Variants in HDAC3 observed in about 807,000 individuals in gnomAD.
HDAC3 encodes the protein SMAP45.
A neutral mutation model predicts 62.3 loss-of-function variants in HDAC3; 21 were observed. That is an observed-to-expected ratio of 0.34 (90% CI 0.24 to 0.49). HDAC3 has a LOEUF of 0.49. HDAC3 is among the 20% of genes least tolerant of loss of function. The pLI, the probability that HDAC3 is intolerant of heterozygous loss-of-function variation, is 0.99. For synonymous variants in HDAC3, 198 were observed against 206.5 expected, an observed-to-expected ratio of 0.96 and a Z score of 0.35; for missense variants, 270 against 556.9, an observed-to-expected ratio of 0.48 and a Z score of 5.19.
chr5:141,629,621 G>T lies in HDAC3; in HGVS notation c.476+63C>A. On this transcript the variant is annotated intron_variant, in intron 6 of 14. Coordinates refer to ENST00000305264, the MANE Select transcript of HDAC3 (RefSeq NM_003883.4). This position sits in a 1 kb window ranked among gnomAD's most constrained non-coding sequence, Gnocchi z 5.3. ...GGAGGGAGGTCAAGGTCAGGGTTGA[G>T]ACTGAGAGACCTCCTCAGCCAAGAA... The T allele has an allele frequency of 1.3e-6, 2 of 1,525,630 alleles. No individual in the cohort carries two copies. The highest frequency in any genetic ancestry group is 9.0e-7 in the Non-Finnish European group (1 of 1,105,454). The allele number at this position is 1,525,630 out of a possible 1,614,324, so 94.5% of individuals were successfully genotyped here. A position where few individuals can be genotyped will look rare whatever the true frequency, so the allele number is the denominator to read the frequency against.
At chr5:141,624,216 T>C (rs1028916367) in intron 14 of HDAC3, among the ~76,000 whole-genome samples, 41 of 151,032 alleles carry the variant, frequency 2.7e-4, no homozygotes, top group East Asian at 5.8e-4. Context: ...CTACAGACTT[T>C]CTGGACGGCA....
chr5:141,623,855 C>CCCT (rs918831683), intron 14 of HDAC3, among the ~76,000 whole-genome samples: 7 of 152,142 alleles, frequency 4.6e-5, no homozygotes, highest in African/African-American at 1.7e-4. Context: ...CTGTGGTTAT[C>CCCT]CCTCAGTCAT....
At chr5:141,622,535 C>T (rs1335739437) in intron 14 of HDAC3, among the ~76,000 whole-genome samples, 2 of 150,724 alleles carry the variant, frequency 1.3e-5, no homozygotes, top group African/African-American at 4.9e-5. Context: ...ACCTGGGAGG[C>T]GGAGGTTGCA....
intron 3 of HDAC3, among the ~76,000 whole-genome samples, chr5:141,632,943 G>T (rs1021710965): frequency 1.3e-5 from 2 of 152,144 alleles, no homozygotes; most frequent in Admixed American, 1.3e-4. Flanking sequence ...CAGATTAGTG[G>T]TTTAAAAACC....
intron 14 of HDAC3, among the ~76,000 whole-genome samples, chr5:141,624,266 TG>T (rs2154597744): frequency 6.8e-6 from 1 of 146,876 alleles, no homozygotes; most frequent in East Asian, 2.0e-4. Flanking sequence ...CCAGGCTCAG[TG>T]GCTCACGCCT....
Position 141,634,902 on chromosome 5 carries a change from C to A in HDAC3, c.190G>T (p.Glu64Ter), listed in dbSNP as rs1199309332. Residue 64 changes from glutamate (E) to a stop codon, truncating the protein, a stop_gained, in exon 3 of 15, where the codon GAG becomes TAG. Coordinates refer to ENST00000305264, the MANE Select transcript of HDAC3 (RefSeq NM_003883.4). LOFTEE classifies it high-confidence loss of function. The stretch of plus-strand genomic sequence containing the variant: ...CTCTGCAGGAAGTCAATGTAGTCCT[C>A]GGAGTGGAAGCGGCACATGTCATGT... ...SQHDMCRFHS[E>*]DYIDFLQRVS... is the part of the protein sequence containing the mutation. 1 of 1,614,110 alleles carries A rather than the reference C, an allele frequency of 6.2e-7. No homozygotes were observed. The highest frequency in any genetic ancestry group is 1.7e-5 in the Admixed American group (1 of 60,008).
Position 141,621,123 on chromosome 5 carries a change from C to T in HDAC3, c.*345G>A, listed in dbSNP as rs1314837502. On this transcript the variant is annotated 3_prime_UTR_variant, in exon 15 of 15. Transcript: ENST00000305264. Reference sequence around the variant, plus strand: ...GAGGAAGTCAGAGGCAATCTCAGTCCTTGTCTACCCGTTCATCCCTCAAAA... The same window carrying T: ...GAGGAAGTCAGAGGCAATCTCAGTCTTTGTCTACCCGTTCATCCCTCAAAA... 3 of 278,430 alleles carry T rather than the reference C, an allele frequency of 1.1e-5. No homozygotes were observed. The highest frequency in any genetic ancestry group is 5.5e-5 in the Admixed American group (1 of 18,118). The allele number at this position is 278,430 out of a possible 1,614,324, so 17.2% of individuals were successfully genotyped here. A position where few individuals can be genotyped will look rare whatever the true frequency, so the allele number is the denominator to read the frequency against.
intron 4 of HDAC3, 27 bp downstream of exon 4, chr5:141,630,013 AAAGG>A (rs1410348014): frequency 6.2e-7 from 1 of 1,613,404 alleles, no homozygotes; most frequent in South Asian, 1.1e-5. Flanking sequence ...GATCCAGAGG[AAAGG>A]AAGAACAGGA....
In HDAC3 at chr5:141,628,501, T is replaced by C. The variant is rs1394026642; in HGVS notation, c.691+58A>G. ...AGCAGACAATACCAGGCAGAAGAGG[T>C]TATTTCAAGGAGAAAAAGAAGGGGC... On this transcript the variant is annotated intron_variant, in intron 8 of 14. Transcript: ENST00000305264. The surrounding 1 kb of genome is among the most constrained non-coding windows in gnomAD (Gnocchi z 4.7). The C allele has an allele frequency of 4.4e-6, 6 of 1,376,410 alleles. No homozygotes were observed. The highest frequency in any genetic ancestry group is 6.2e-6 in the Non-Finnish European group (6 of 964,090). 85.3% of individuals were successfully genotyped at this position (1,376,410 alleles called of 1,614,324 possible).
intron 1 of HDAC3, 50 bp downstream of exon 1, chr5:141,636,686 C>T: frequency 6.2e-7 from 1 of 1,613,116 alleles, no homozygotes; most frequent in Non-Finnish European, 8.5e-7. Flanking sequence ...TGCAACCCCG[C>T]CTCAAAACCT....
intron 10 of HDAC3, among the ~76,000 whole-genome samples, chr5:141,627,293 G>C (rs2099904576): frequency 6.6e-6 from 1 of 152,130 alleles, no homozygotes; most frequent in Admixed American, 6.5e-5. Flanking sequence ...GCCCAGGCTG[G>C]CCTCAAACTC....
At position 141,622,783 on chromosome 5, in the gene HDAC3, G is replaced by A. The variant is rs116765373; in HGVS notation, c.1218-1246C>T. Among the ~76,000 whole-genome samples, 121 of 152,202 alleles carry A rather than the reference G, an allele frequency of 7.9e-4. 2 individuals carry two copies. The highest frequency in any genetic ancestry group is 2.8e-3 in the African/African-American group (116 of 41,538). The stretch of plus-strand genomic sequence containing the variant: ...AGTCAGAGAATCAGGTTGAATCTCA[G>A]CCCTGATCTTTAACTAGCCATGTGA... On this transcript the variant is annotated intron_variant, in intron 14 of 14. Coordinates refer to ENST00000305264, the MANE Select transcript of HDAC3 (RefSeq NM_003883.4).
intron 10 of HDAC3, among the ~76,000 whole-genome samples, chr5:141,627,620 T>A (rs1198422199): frequency 6.6e-6 from 1 of 152,240 alleles, no homozygotes; most frequent in African/African-American, 2.4e-5. Context: ...TTTGTCTGTT[T>A]CCTAAACTGT....
chr5:141,630,248 C>T (rs2099904995), intron 3 of HDAC3, 123 bp from the exon 4 acceptor site: 1 of 885,350 alleles, frequency 1.1e-6, no homozygotes, highest in Non-Finnish European at 1.8e-6. Flanking sequence ...CTCTCCTACA[C>T]ACGTGGGCTA....
At position 141,626,502 on chromosome 5, in the gene HDAC3, T is replaced by C. The variant is rs1361046849; in HGVS notation, c.831-219A>G. 1 of 539,014 alleles carries C rather than the reference T, an allele frequency of 1.9e-6. No homozygotes were observed. The highest frequency in any genetic ancestry group is 3.3e-6 in the Non-Finnish European group (1 of 299,996). 33.4% of individuals were successfully genotyped at this position (539,014 alleles called of 1,614,324 possible). ...ATAAAGCACAGTCCCCCCTCTGTTC[T>C]GCTCAACACCCTCCCTGGCACCCTG... On this transcript the variant is annotated intron_variant, in intron 10 of 14. Transcript: ENST00000305264. This position sits in a 1 kb window ranked among gnomAD's most constrained non-coding sequence, Gnocchi z 4.6.
At position 141,625,932 on chromosome 5, in the gene HDAC3, C is replaced by T. The variant is rs2099904378; in HGVS notation, c.979+81G>A. On this transcript the variant is annotated intron_variant, in intron 12 of 14. Coordinates refer to ENST00000305264, the MANE Select transcript of HDAC3 (RefSeq NM_003883.4). This position sits in a 1 kb window ranked among gnomAD's most constrained non-coding sequence, Gnocchi z 4.0. ...AGAGCTCTGAGAGTGTAAAATTTCC[C>T]ATGTGCCTTCAAACCAGGTCATTCT... 1 of 1,400,414 alleles carries T rather than the reference C, an allele frequency of 7.1e-7. No homozygotes were observed. The highest frequency in any genetic ancestry group is 1.2e-5 in the South Asian group (1 of 86,758). 86.7% of individuals were successfully genotyped at this position (1,400,414 alleles called of 1,614,324 possible).
chr5:141,622,039 A>C (rs1294590306), intron 14 of HDAC3, among the ~76,000 whole-genome samples: 1 of 152,196 alleles, frequency 6.6e-6, no homozygotes. Flanking sequence ...AGACTGATGT[A>C]TTCCAGTAAG....
Position 141,636,749 on chromosome 5 carries a change from G to T in HDAC3, c.42C>A (p.Gly14=). The T allele has an allele frequency of 6.2e-7, 1 of 1,614,038 alleles. No individual in the cohort carries two copies. Among genetic ancestry groups the T allele is most frequent in the Non-Finnish European group, 8.5e-7 (1 of 1,179,902 alleles). Residue 14 remains glycine, a synonymous_variant, in exon 1 of 15, where the codon GGC becomes GGA. Transcript: ENST00000305264. The part of the protein sequence containing the change: ...TVAYFYDPDV[G]NFHYGAGHPM... ...CTGTTTCCTCACCGTAGTGGAAGTT[G>T]CCCACGTCGGGGTCGTAGAAATAGG...
intron 2 of HDAC3, 128 bp downstream of exon 2, chr5:141,636,420 G>A: frequency 1.3e-6 from 1 of 784,188 alleles, no homozygotes; most frequent in Non-Finnish European, 2.2e-6. Flanking sequence ...GGTACTCCTG[G>A]TGACTTCTAT....
Sources: gnomAD v4.1 joint callset for allele counts (sites outside exome capture counted in the v4.1 genomes callset) on GRCh38, gnomAD v4.1.1 for gene constraint, Gnocchi (gnomAD v3.1) non-coding constraint, MANE v1.5 for transcripts, NCBI Gene and HGNC (gene_info 2026-07-23, HGNC 2026-07-21) for gene names.